GTF3A: variants seen among roughly 807,000 people sequenced by gnomAD.
GTF3A encodes general transcription factor IIIA.
GTF3A carries 40 observed loss-of-function variants against 37.6 expected under a neutral mutation model. The observed-to-expected ratio is 1.06, with a 90% CI of 0.83 to 1.38. GTF3A has a LOEUF of 1.38. GTF3A is among the 40% of genes most tolerant of loss of function. The pLI is 0.00. For synonymous variants in GTF3A, 191 were observed against 166.7 expected (o/e 1.15, Z -1.12); for missense variants, 500 against 462.6 (o/e 1.08, Z -0.74).
At position 27,434,920 on chromosome 13, in the gene GTF3A, TG is replaced by T; in HGVS notation, c.761del (p.Gly254GlufsTer37). ...TATGTCGCTGTCCAAGAGAAGGCTG[TG>T]GAAGAACCTATACAACTGTGTTTAA... On this transcript the variant is annotated frameshift_variant, in exon 7 of 9. Transcript: ENST00000381140. LOFTEE classifies it high-confidence loss of function. The T allele has an allele frequency of 6.2e-7, 1 of 1,609,740 alleles. No homozygotes were observed. The highest frequency in any genetic ancestry group is 8.5e-7 in the Non-Finnish European group (1 of 1,175,956).
rs759206799 is a variant in GTF3A at position 27,434,958 on chromosome 13, A to G, written c.797A>G (p.His266Arg). The G allele has an allele frequency of 3.0e-5, 49 of 1,611,824 alleles. No homozygotes were observed. Among genetic ancestry groups the G allele is most frequent in the Non-Finnish European group, 4.2e-5 (49 of 1,177,978 alleles). The change falls in exon 7 of 9, where the codon CAT becomes CGT. Residue 266 changes from histidine (H) to arginine (R), a missense_variant. Physicochemically the swap from His to Arg is conservative, Grantham distance 29. Transcript: ENST00000381140. ...ACAACTGTGTTTAATCTCCAAAGCC[A>G]TATCCTCTCCTTCCATGAGGAAAGC...
chr13:27,426,091 C>T (rs758948001), intron 1 of GTF3A: 1 of 152,456 alleles, frequency 6.6e-6, no homozygotes, highest in African/African-American at 2.4e-5. Flanking sequence ...CTCTGCCCTT[C>T]CTCTTGCCCG....
At chr13:27,433,072 C>A (rs1424556517) in intron 5 of GTF3A, among the ~76,000 whole-genome samples, 1 of 152,172 alleles carries the variant, frequency 6.6e-6, no homozygotes, top group Non-Finnish European at 1.5e-5. Flanking sequence ...GATGCTCCAG[C>A]CATGGCTTTG....
At position 27,430,559 on chromosome 13, in the gene GTF3A, C is replaced by A. The variant is rs775974835; in HGVS notation, c.426C>A (p.Thr142=). Residue 142 remains threonine (T), a synonymous_variant, in exon 4 of 9, where the codon ACC becomes ACA. Transcript: ENST00000381140. ...GCAGTTTTGAAGACTGTAAGAAGAC[C>A]TTTAAGAAACATCAGCAGCTGAAAA... 11 of 1,611,572 alleles carry A rather than the reference C, an allele frequency of 6.8e-6. No homozygotes were observed. The African/African-American group carries it at 1.5e-4, about 22-fold the overall frequency.
intron 3 of GTF3A, 138 bp from the exon 4 acceptor site, chr13:27,430,395 G>C: frequency 1.7e-6 from 1 of 583,982 alleles, no homozygotes; most frequent in Non-Finnish European, 3.0e-6. Flanking sequence ...AGATAAAGCA[G>C]AATTTTACAG....
chr13:27,433,766 T>C (rs1953681458), intron 5 of GTF3A, among the ~76,000 whole-genome samples: 1 of 151,984 alleles, frequency 6.6e-6, no homozygotes, highest in Non-Finnish European at 1.5e-5. Context: ...GACATGGAGA[T>C]AGGAGGTTAA....
At chr13:27,430,417 G>A (rs907704063) in intron 3 of GTF3A, 116 bp from the exon 4 acceptor site, 2 of 623,002 alleles carry the variant, frequency 3.2e-6, no homozygotes, top group African/African-American at 3.7e-5. Flanking sequence ...AACAAAATGG[G>A]TGAAAGCAGA....
In GTF3A at chr13:27,435,619, A is replaced by C; in HGVS notation, c.*22A>C. ...CTAAGAACTGCACTGCTTTGTTTAA[A>C]GGACTGCAGACCAAGGAGCGAGCTT... On this transcript the variant is annotated 3_prime_UTR_variant, in exon 9 of 9. Coordinates refer to ENST00000381140, the MANE Select transcript of GTF3A (RefSeq NM_002097.3). The C allele has an allele frequency of 6.2e-7, 1 of 1,612,916 alleles. No individual in the cohort carries two copies. The highest frequency in any genetic ancestry group is 1.1e-5 in the South Asian group (1 of 91,062).
In GTF3A at chr13:27,434,825, T is replaced by A. The variant is rs1166331096; in HGVS notation, c.664T>A (p.Cys222Ser). ...ACCAGAGGAAATACTATGTGAAGTA[T>A]GCCGGAAAACATTTAAACGCAAAGA... The change falls in exon 7 of 9, where the codon TGC becomes AGC. Residue 222 changes from cysteine (C) to serine (S), a missense_variant. Cys to Ser is a moderately radical substitution (Grantham distance 112, BLOSUM62 -1). Coordinates refer to ENST00000381140, the MANE Select transcript of GTF3A (RefSeq NM_002097.3). 6.2e-7 allele frequency: 1 copy of A among 1,610,584 alleles called. No homozygotes were observed. The highest frequency in any genetic ancestry group is 8.5e-7 in the Non-Finnish European group (1 of 1,177,184).
At chr13:27,429,317 A>AAAAAT (rs1953637214) in intron 2 of GTF3A, 2 of 149,932 alleles carry the variant, frequency 1.3e-5, no homozygotes, top group Admixed American at 6.6e-5. Context: ...AAAAAAAAAA[A>AAAAAT]GGAAAAGGCT....
chr13:27,424,700 G>T lies in GTF3A; in HGVS notation c.-38G>T. ...TTCCCGGCACGTGTCTCGGCACGTG[G>T]CAGCGCGCCTGGCCCTGGGCTTGGA... On this transcript the variant is annotated 5_prime_UTR_variant, in exon 1 of 9. Coordinates refer to ENST00000381140, the MANE Select transcript of GTF3A (RefSeq NM_002097.3). 7.4e-7 allele frequency: 1 copy of T among 1,349,216 alleles called. No individual in the cohort carries two copies. The allele number at this position is 1,349,216 out of a possible 1,614,324, so 83.6% of individuals were successfully genotyped here.
At chr13:27,435,289 T>TTGAG in intron 8 of GTF3A, 97 bp downstream of exon 8, 1 of 1,276,346 alleles carries the variant, frequency 7.8e-7, no homozygotes. Context: ...GCTTTACTGT[T>TTGAG]TGAGTCTGCA....
At chr13:27,427,335 TGGGAG>T in intron 2 of GTF3A, 143 bp downstream of exon 2, 1 of 611,742 alleles carries the variant, frequency 1.6e-6, no homozygotes, top group South Asian at 1.9e-5. Context: ...CCCAGCACTT[TGGGAG>T]GCGGAGATGG....
chr13:27,433,068 C>G (rs1397903281), intron 5 of GTF3A, among the ~76,000 whole-genome samples: 1 of 152,180 alleles, frequency 6.6e-6, no homozygotes, highest in African/African-American at 2.4e-5. Context: ...TGCTGATGCT[C>G]CAGCCATGGC....
At chr13:27,425,058 A>G (rs949218771) in intron 1 of GTF3A, 120 bp downstream of exon 1, 6 of 657,694 alleles carry the variant, frequency 9.1e-6, no homozygotes, top group Non-Finnish European at 1.5e-5. Flanking sequence ...TTTGACATCC[A>G]GGACTTGGGG....
Position 27,429,954 on chromosome 13 carries a change from A to G in GTF3A, c.387A>G (p.Gln129=). Reference sequence around the variant, plus strand: ...TTGAACGCAAACATGAAAATCAACAAAAACAATATATAGTAAGTATGATTT... The same window carrying G: ...TTGAACGCAAACATGAAAATCAACAGAAACAATATATAGTAAGTATGATTT... The change falls in exon 3 of 9, where the codon CAA becomes CAG. Residue 129 remains glutamine, a synonymous_variant. Coordinates refer to ENST00000381140, the MANE Select transcript of GTF3A (RefSeq NM_002097.3). 6.7e-7 allele frequency: 1 copy of G among 1,498,276 alleles called. No individual in the cohort carries two copies. 92.8% of individuals were successfully genotyped at this position (1,498,276 alleles called of 1,614,324 possible). A position where few individuals can be genotyped will look rare whatever the true frequency, so the allele number is the denominator to read the frequency against.
In GTF3A at chr13:27,434,866, C is replaced by G; in HGVS notation, c.705C>G (p.His235Gln). Residue 235 changes from histidine (H) to glutamine (Q), a missense_variant, in exon 7 of 9, where the codon CAC becomes CAG. Physicochemically the swap from His to Gln is conservative, Grantham distance 24 (BLOSUM62 0). Transcript: ENST00000381140. ...AACGCAAAGATTACCTTAAGCAACACATGAAAACTCATGCCCCAGAAAGGG... is the reference window on the plus strand; with the variant it reads ...AACGCAAAGATTACCTTAAGCAACAGATGAAAACTCATGCCCCAGAAAGGG... The G allele has an allele frequency of 1.9e-6, 3 of 1,613,316 alleles. No individual in the cohort carries two copies. The highest frequency in any genetic ancestry group is 2.5e-6 in the Non-Finnish European group (3 of 1,179,272).
At position 27,430,603 on chromosome 13, in the gene GTF3A, C is replaced by T; in HGVS notation, c.470C>T (p.Thr157Ile). ...CTGAAAATCCATCAGTGCCAGCATA[C>T]CAATGAACCTCTATTCAAGTAGGTA... Residue 157 changes from threonine to isoleucine, a missense_variant, in exon 4 of 9, where the codon ACC (threonine) becomes ATC (isoleucine). By Grantham distance (89) the Thr-to-Ile change is moderately conservative (BLOSUM62 -1). Coordinates refer to ENST00000381140, the MANE Select transcript of GTF3A (RefSeq NM_002097.3). 1 of 1,606,262 alleles carries T rather than the reference C, an allele frequency of 6.2e-7. No individual in the cohort carries two copies. Among genetic ancestry groups the T allele is most frequent in the South Asian group, 1.1e-5 (1 of 90,690 alleles).
At chr13:27,426,978 A>G (rs1302949914) in intron 1 of GTF3A, 114 bp from the exon 2 acceptor site, 21 of 645,752 alleles carry the variant, frequency 3.3e-5, no homozygotes, top group Middle Eastern at 2.4e-4. Context: ...CTGAGTAGAA[A>G]CCACCTCTTC....
Sources: allele counts gnomAD v4.1 joint callset (sites outside exome capture counted in the v4.1 genomes callset), GRCh38; gene constraint gnomAD v4.1.1; transcripts MANE v1.5; gene names NCBI Gene and HGNC (gene_info 2026-07-23, HGNC 2026-07-21).